Variants in PTPN18 observed in about 807,000 individuals in gnomAD.
The protein encoded by PTPN18 is protein tyrosine phosphatase non-receptor type 18.
PTPN18 carries 65 observed loss-of-function variants against 65.4 expected under a neutral mutation model. The observed-to-expected ratio is 0.99, with a 90% confidence interval of 0.81 to 1.22. The LOEUF (loss-of-function observed/expected upper bound fraction) is 1.22. Among genes scored for constraint, PTPN18 ranks in the 50% most tolerant of loss-of-function variants. The probability of loss-of-function intolerance (pLI) is 0.00; values close to 1 mark genes in which losing one functional copy is unlikely to be tolerated. For synonymous variants in PTPN18, 255 were observed against 267.8 expected (o/e 0.95, Z 0.47); for missense variants, 616 against 646.5 (o/e 0.95, Z 0.51).
At chr2:130,362,613 C>A (rs1680252187) in intron 5 of PTPN18, among the ~76,000 whole-genome samples, 1 of 151,996 alleles carries the variant, frequency 6.6e-6, no homozygotes, top group Non-Finnish European at 1.5e-5. Flanking sequence ...TTCGATTACC[C>A]CTTTCCATGC....
chr2:130,362,452 C>T (rs1680246321), intron 5 of PTPN18: 1 of 231,052 alleles, frequency 4.3e-6, no homozygotes, highest in Non-Finnish European at 8.7e-6. Flanking sequence ...TAATCTATTG[C>T]ATAGTAATTA....
intron 5 of PTPN18, among the ~76,000 whole-genome samples, chr2:130,361,151 A>T (rs1026502070): frequency 2.6e-5 from 4 of 152,012 alleles, no homozygotes; most frequent in Non-Finnish European, 4.4e-5. Context: ...ATCTTTACTG[A>T]TTTATTTTCT....
At chr2:130,359,816 TC>T in intron 5 of PTPN18, 170 bp downstream of exon 5, 2 of 813,780 alleles carry the variant, frequency 2.5e-6, no homozygotes, top group Non-Finnish European at 2.0e-6. Flanking sequence ...ATGTTATTCA[TC>T]CCCCAGTGTT....
Position 130,371,304 on chromosome 2 carries a change from C to A in PTPN18, c.1013+17C>A. On this transcript the variant is annotated intron_variant, in intron 12 of 14. Coordinates refer to ENST00000175756, the MANE Select transcript of PTPN18 (RefSeq NM_014369.4). Reference sequence around the variant, plus strand: ...GGTCCTCAGGTACCCGGCTCCATCCCCGGATTCTTCCCTGCCCAATTTCTC... The same window carrying A: ...GGTCCTCAGGTACCCGGCTCCATCCACGGATTCTTCCCTGCCCAATTTCTC... The A allele has an allele frequency of 6.5e-7, 1 of 1,544,552 alleles. No individual in the cohort carries two copies. Among genetic ancestry groups the A allele is most frequent in the Non-Finnish European group, 8.9e-7 (1 of 1,126,402 alleles).
rs777349951 is a variant in PTPN18, at chr2:130,370,162, G to C, written c.661G>C (p.Gly221Arg). The change falls in exon 8 of 15, where the codon GGC (glycine) becomes CGC (arginine). Residue 221 changes from glycine to arginine, a missense_variant. Physicochemically the swap from Gly to Arg is moderately radical, Grantham distance 125. Coordinates refer to ENST00000175756, the MANE Select transcript of PTPN18 (RefSeq NM_014369.4). Reference sequence around the variant, plus strand: ...GGAAGCCCGTCGCCTCCAGGGATCTGGCCCTGAACCCCTCTGTGTCCACTG... The same window carrying C: ...GGAAGCCCGTCGCCTCCAGGGATCTCGCCCTGAACCCCTCTGTGTCCACTG... ...VEEARRLQGS[G>R]PEPLCVHCSA... 1.5e-5 allele frequency: 24 copies of C among 1,613,018 alleles called. No homozygotes were observed. In the East Asian group the frequency reaches 4.9e-4, roughly 33 times the overall value.
At chr2:130,368,982 G>T (rs1680468459) in intron 5 of PTPN18, 151 bp from the exon 6 acceptor site, 3 of 606,740 alleles carry the variant, frequency 4.9e-6, no homozygotes, top group African/African-American at 1.9e-5. Context: ...TTAATCTGAT[G>T]GCTCTGTTGG....
At chr2:130,363,127 T>C (rs1299750850) in intron 5 of PTPN18, among the ~76,000 whole-genome samples, 1 of 148,420 alleles carries the variant, frequency 6.7e-6, no homozygotes, top group African/African-American at 2.5e-5. Context: ...CCTACCACAA[T>C]AAGTTTTTGA....
At chr2:130,372,236 C>G (rs764207514) in intron 12 of PTPN18, 21 bp from the exon 13 acceptor site, 5 of 1,564,744 alleles carry the variant, frequency 3.2e-6, no homozygotes, top group Non-Finnish European at 3.4e-6. Context: ...TTCACTTCCT[C>G]CCGGCCCTCC....
intron 2 of PTPN18, 94 bp from the exon 3 acceptor site, chr2:130,359,117 TTGGTGGGATCTCTGCATGTGTG>T: frequency 6.8e-7 from 1 of 1,473,326 alleles, no homozygotes; most frequent in Admixed American, 1.7e-5. Context: ...CAAGGGCACC[TTGGTGGGATCTCTGCATGTGTG>T]TGGTCCCCTG....
Position 130,369,220 on chromosome 2 carries a change from C to G in PTPN18, c.483+19C>G. Reference sequence around the variant, plus strand: ...CACTCTGGTGAGCTGTGGGAGTTTTCAAGGAAGATTCCCAGGGTGGAAAGG... The same window carrying G: ...CACTCTGGTGAGCTGTGGGAGTTTTGAAGGAAGATTCCCAGGGTGGAAAGG... On this transcript the variant is annotated intron_variant, in intron 6 of 14. Transcript: ENST00000175756. 2 of 1,604,446 alleles carry G rather than the reference C, an allele frequency of 1.2e-6. No individual in the cohort carries two copies. Among genetic ancestry groups the G allele is most frequent in the Non-Finnish European group, 1.7e-6 (2 of 1,171,910 alleles).
In PTPN18 at chr2:130,369,214, A is replaced by G. The variant is rs1167740309; in HGVS notation, c.483+13A>G. On this transcript the variant is annotated intron_variant, in intron 6 of 14. Coordinates refer to ENST00000175756, the MANE Select transcript of PTPN18 (RefSeq NM_014369.4). ...CTGCATCACTCTGGTGAGCTGTGGGAGTTTTCAAGGAAGATTCCCAGGGTG... is the reference window on the plus strand; with the variant it reads ...CTGCATCACTCTGGTGAGCTGTGGGGGTTTTCAAGGAAGATTCCCAGGGTG... 1.9e-6 allele frequency: 3 copies of G among 1,608,852 alleles called. No homozygotes were observed. In the African/African-American group the frequency reaches 4.0e-5, roughly 22 times the overall value.
At chr2:130,359,672 C>A in intron 5 of PTPN18, 26 bp downstream of exon 5, 1 of 1,611,238 alleles carries the variant, frequency 6.2e-7, no homozygotes, top group South Asian at 1.1e-5. Context: ...CCCCAGGTTT[C>A]ATGTCCTTGT....
intron 5 of PTPN18, among the ~76,000 whole-genome samples, chr2:130,363,609 T>C (rs1479272135): frequency 6.6e-6 from 1 of 152,234 alleles, no homozygotes; most frequent in African/African-American, 2.4e-5. Flanking sequence ...TAGCCTTTTT[T>C]TGCTTAGCAT....
chr2:130,371,084 T>C, intron 11 of PTPN18, 115 bp from the exon 12 acceptor site: 1 of 1,369,778 alleles, frequency 7.3e-7, no homozygotes, highest in Non-Finnish European at 1.0e-6. Flanking sequence ...CATCCACCTG[T>C]GCCCTCCTCC....
chr2:130,362,086 G>T, intron 5 of PTPN18: 1 of 467,526 alleles, frequency 2.1e-6, no homozygotes. Context: ...TGCTAGCGCA[G>T]CCTCCCTGAG....
intron 11 of PTPN18, 101 bp from the exon 12 acceptor site, chr2:130,371,098 C>A: frequency 7.3e-7 from 1 of 1,371,270 alleles, no homozygotes; most frequent in Non-Finnish European, 1.0e-6. Flanking sequence ...CTCCTCCAGG[C>A]ATCCTTATCA....
chr2:130,372,157 G>C, intron 12 of PTPN18, 100 bp from the exon 13 acceptor site: 2 of 1,192,154 alleles, frequency 1.7e-6, no homozygotes, highest in Non-Finnish European at 2.3e-6. Flanking sequence ...GCACCGCCTC[G>C]GCGGGAAGGA....
At chr2:130,367,629 G>C (rs1316156345) in intron 5 of PTPN18, among the ~76,000 whole-genome samples, 1 of 152,120 alleles carries the variant, frequency 6.6e-6, no homozygotes, top group African/African-American at 2.4e-5. Flanking sequence ...AGCCGAGATT[G>C]AGCCACTGCA....
At position 130,372,911 on chromosome 2, in the gene PTPN18, G is replaced by C; in HGVS notation, c.1279G>C (p.Glu427Gln). Residue 427 changes from glutamate (E) to glutamine (Q), a missense_variant, in exon 14 of 15, where the codon GAG becomes CAG. Around this residue, in one of 3 missense-constraint regions of PTPN18, gnomAD observed 368 missense variants for 386.7 expected, o/e 0.95. Transcript: ENST00000175756. ...AAGTCCTGCCGGATCTGGCGCCTAC[G>C]AGGACGTGGCGGGTGGAGCTCAGAC... Reference protein sequence around the residue: ...DQSPAGSGAYEDVAGGAQTGG... With the variant: ...DQSPAGSGAYQDVAGGAQTGG... The C allele has an allele frequency of 6.2e-7, 1 of 1,614,226 alleles. No homozygotes were observed. The highest frequency in any genetic ancestry group is 8.5e-7 in the Non-Finnish European group (1 of 1,180,034).
Sources: allele counts gnomAD v4.1 joint callset (sites outside exome capture counted in the v4.1 genomes callset), GRCh38; gene constraint gnomAD v4.1.1; regional missense constraint gnomAD v4.1.1; transcripts MANE v1.5; gene names NCBI Gene and HGNC (gene_info 2026-07-23, HGNC 2026-07-21).